Variants in SYT1 observed in about 807,000 individuals in gnomAD.
SYT1 encodes synaptotagmin 1, also known as synaptotagmin-1.
In SYT1, 8 loss-of-function variants were observed where a neutral mutation model predicts 44.8. The ratio of observed to expected loss-of-function variants is 0.18; its 90% confidence interval spans 0.10 to 0.32. The LOEUF is 0.32. Ranked by LOEUF, SYT1 falls within the 10% of genes least tolerant of loss-of-function variation. The pLI is 1.00. For synonymous variants in SYT1, 154 were observed against 188.8 expected, an observed-to-expected ratio of 0.82 and a Z score of 1.51; for missense variants, 286 against 509.3, an observed-to-expected ratio of 0.56 and a Z score of 4.22.
intron 8 of SYT1, among the ~76,000 whole-genome samples, chr12:79,332,785 A>C (rs1881916186): frequency 6.6e-6 from 1 of 152,190 alleles, no homozygotes; most frequent in Non-Finnish European, 1.5e-5. Flanking sequence ...TAGTTATATG[A>C]AAATCTGAAT....
At position 78,979,546 on chromosome 12, in the gene SYT1, G is replaced by A. The variant is rs143659462; in HGVS notation, c.-84+1615G>A. Reference sequence around the variant, plus strand: ...GAGCAAGGAAACAACTGACAGAAAAGCATTGTAAAACTAGATGTATAACTG... The same window carrying A: ...GAGCAAGGAAACAACTGACAGAAAAACATTGTAAAACTAGATGTATAACTG... On this transcript the variant is annotated intron_variant, in intron 2 of 10. Coordinates refer to ENST00000261205, the MANE Select transcript of SYT1 (RefSeq NM_005639.3). Among the ~76,000 whole-genome samples, 194 of 152,112 alleles carry A rather than the reference G, an allele frequency of 1.3e-3. 1 individual carries two copies. Among genetic ancestry groups the A allele is most frequent in the African/African-American group, 4.5e-3 (185 of 41,518 alleles).
At chr12:78,910,171 A>G (rs528098078) in intron 1 of SYT1, among the ~76,000 whole-genome samples, 2 of 152,130 alleles carry the variant, frequency 1.3e-5, no homozygotes, top group South Asian at 4.1e-4. Flanking sequence ...TTCCTAAGGA[A>G]GGGCAGTTGT....
chr12:79,191,719 T>G (rs971984107), intron 3 of SYT1, among the ~76,000 whole-genome samples: 1 of 152,138 alleles, frequency 6.6e-6, no homozygotes, highest in African/African-American at 2.4e-5. Context: ...TGTCAAAAAC[T>G]TGTAGTGGAC....
chr12:78,976,175 T>C (rs1868817608), intron 1 of SYT1, among the ~76,000 whole-genome samples: 1 of 152,214 alleles, frequency 6.6e-6, no homozygotes, highest in South Asian at 2.1e-4. Context: ...TATGTCGCCC[T>C]AACTTCTTTA....
At chr12:78,914,548 C>T (rs569548038) in intron 1 of SYT1, among the ~76,000 whole-genome samples, 37 of 151,788 alleles carry the variant, frequency 2.4e-4, no homozygotes, top group Non-Finnish European at 3.4e-4. Flanking sequence ...ATAGATAGAG[C>T]GATAGATGAT....
At chr12:79,365,838 A>AAAAAAAG (rs1189797405) in intron 9 of SYT1, among the ~76,000 whole-genome samples, 1 of 151,508 alleles carries the variant, frequency 6.6e-6, no homozygotes, top group African/African-American at 2.4e-5. Context: ...GTACCAGAAA[A>AAAAAAAG]AAAAAAAAAA....
intron 3 of SYT1, 101 bp from the exon 4 acceptor site, chr12:79,217,402 C>A: frequency 2.0e-6 from 2 of 976,310 alleles, no homozygotes; most frequent in Non-Finnish European, 2.8e-6. Context: ...ACCCAGTGAG[C>A]AGGTGCCACC....
chr12:79,447,193 C>A (rs372197984), intron 10 of SYT1, among the ~76,000 whole-genome samples: 5 of 151,964 alleles, frequency 3.3e-5, no homozygotes, highest in African/African-American at 1.2e-4. Flanking sequence ...TTTCTCTGCT[C>A]CTTGAGTCAC....
intron 3 of SYT1, among the ~76,000 whole-genome samples, chr12:79,128,096 A>G (rs1438202807): frequency 6.6e-6 from 1 of 152,104 alleles, no homozygotes; most frequent in East Asian, 1.9e-4. Flanking sequence ...GAGAGATTAG[A>G]TAGATAGAAA....
chr12:79,395,830 G>T (rs1469222165), intron 9 of SYT1, among the ~76,000 whole-genome samples: 2 of 152,132 alleles, frequency 1.3e-5, no homozygotes, highest in Non-Finnish European at 2.9e-5. Flanking sequence ...GATTTAAACT[G>T]ATGCATATCA....
At chr12:78,903,980 A>C (rs1875811481) in intron 1 of SYT1, among the ~76,000 whole-genome samples, 1 of 152,002 alleles carries the variant, frequency 6.6e-6, no homozygotes, top group African/African-American at 2.4e-5. Flanking sequence ...AATCTGTATT[A>C]CAGAAAACTT....
intron 2 of SYT1, among the ~76,000 whole-genome samples, chr12:78,987,933 A>G (rs1301451091): frequency 2.0e-5 from 3 of 152,096 alleles, no homozygotes; most frequent in Admixed American, 6.6e-5. Context: ...AAACTCCTCA[A>G]CAAAAGCCAG....
At chr12:79,394,060 C>T (rs1477795858) in intron 9 of SYT1, 1 of 152,234 alleles carries the variant, frequency 6.6e-6, no homozygotes, top group East Asian at 1.9e-4. Context: ...TTGTCTCTGA[C>T]TAACCTAGAA....
At chr12:79,333,318 C>A (rs1012996744) in intron 8 of SYT1, among the ~76,000 whole-genome samples, 2 of 152,234 alleles carry the variant, frequency 1.3e-5, no homozygotes, top group African/African-American at 4.8e-5. Flanking sequence ...TTCTCTCTGG[C>A]CTCTTTTACA....
intron 3 of SYT1, among the ~76,000 whole-genome samples, chr12:79,057,530 G>A (rs1875049886): frequency 6.6e-6 from 1 of 151,968 alleles, no homozygotes; most frequent in Non-Finnish European, 1.5e-5. Flanking sequence ...ATGTGGCATT[G>A]ACACAATTTG....
At chr12:79,314,320 A>G (rs1030294262) in intron 8 of SYT1, among the ~76,000 whole-genome samples, 12 of 152,152 alleles carry the variant, frequency 7.9e-5, no homozygotes, top group Non-Finnish European at 1.5e-5. Context: ...CTAAGTGTTC[A>G]GAAGGCATTG....
At chr12:79,072,821 G>A (rs895971783) in intron 3 of SYT1, among the ~76,000 whole-genome samples, 18 of 152,080 alleles carry the variant, frequency 1.2e-4, no homozygotes, top group African/African-American at 3.1e-4. Flanking sequence ...ACCAGGCACC[G>A]GTCAAGGTAT....
At chr12:79,173,066 G>C (rs1871642330) in intron 3 of SYT1, among the ~76,000 whole-genome samples, 1 of 142,852 alleles carries the variant, frequency 7.0e-6, no homozygotes, top group East Asian at 2.2e-4. Context: ...AAAACCTCTT[G>C]AGATTTTAGG....
intron 8 of SYT1, among the ~76,000 whole-genome samples, chr12:79,348,594 A>G (rs191430967): frequency 6.6e-6 from 1 of 152,370 alleles, no homozygotes; most frequent in African/African-American, 2.4e-5. Flanking sequence ...AGACCTTTCA[A>G]ACATTCACTT....
Sources: allele counts gnomAD v4.1 joint callset (sites outside exome capture counted in the v4.1 genomes callset), GRCh38; gene constraint gnomAD v4.1.1; transcripts MANE v1.5; gene names NCBI Gene and HGNC (gene_info 2026-07-23, HGNC 2026-07-21).